The following TNFRSF8 variants were observed in gnomAD, a reference collection of about 807,000 sequenced individuals.
TNFRSF8 encodes the protein TNF receptor superfamily member 8, also known as tumor necrosis factor receptor superfamily member 8.
In TNFRSF8, 26 loss-of-function variants were observed where a neutral mutation model predicts 70.8. The observed-to-expected ratio is 0.37, with a 90% confidence interval of 0.27 to 0.51. The LOEUF (loss-of-function observed/expected upper bound fraction) is 0.51. TNFRSF8 is among the 20% of genes least tolerant of loss of function. The pLI is 0.94. For missense variants in TNFRSF8, 720 were observed against 807.9 expected (o/e 0.89, Z 1.32); for synonymous variants, 356 against 339.2 (o/e 1.05, Z -0.54).
chr1:12,102,301 G>A (rs9887929), intron 3 of TNFRSF8, among the ~76,000 whole-genome samples: 3,006 of 152,246 alleles, frequency 0.02, 98 homozygotes, highest in African/African-American at 0.068. Context: ...GTGGCCTCTG[G>A]CTCTGTGGCA....
At chr1:12,129,546 C>G (rs1306663676) in intron 12 of TNFRSF8, among the ~76,000 whole-genome samples, 1 of 152,208 alleles carries the variant, frequency 6.6e-6, no homozygotes, top group Non-Finnish European at 1.5e-5. Context: ...TCCTTCTGTC[C>G]GGATCCGTTC....
At chr1:12,082,640 C>T (rs1386978838) in intron 1 of TNFRSF8, among the ~76,000 whole-genome samples, 2 of 151,628 alleles carry the variant, frequency 1.3e-5, no homozygotes, top group African/African-American at 2.4e-5. Context: ...GTGAGCCTCT[C>T]CGACCCCTAC....
chr1:12,074,900 C>T (rs180982231), intron 1 of TNFRSF8, among the ~76,000 whole-genome samples: 1 of 152,152 alleles, frequency 6.6e-6, no homozygotes, highest in Non-Finnish European at 1.5e-5. Context: ...ACAATCCTCC[C>T]ACCTTAGTTC....
chr1:12,091,536 A>G (rs1641248205), intron 2 of TNFRSF8, among the ~76,000 whole-genome samples: 1 of 152,048 alleles, frequency 6.6e-6, no homozygotes, highest in African/African-American at 2.4e-5. Flanking sequence ...GGGTGATTTT[A>G]AAGGGACCCA....
At chr1:12,093,264 GAC>G (rs764062658) in intron 2 of TNFRSF8, among the ~76,000 whole-genome samples, 1 of 152,134 alleles carries the variant, frequency 6.6e-6, no homozygotes, top group Non-Finnish European at 1.5e-5. Context: ...TTTTTGGGGA[GAC>G]ACAATTTAAT....
chr1:12,073,821 C>T (rs1640891282), intron 1 of TNFRSF8, among the ~76,000 whole-genome samples: 1 of 151,998 alleles, frequency 6.6e-6, no homozygotes. Context: ...GTCTCAAACG[C>T]CTGACCTCAA....
chr1:12,105,939 CAAAA>C lies in TNFRSF8; in HGVS notation c.421+1424_421+1427del, dbSNP rs748432437. 1.1e-4 allele frequency among the ~76,000 whole-genome samples: 7 copies of C among 64,932 alleles called. No homozygotes were observed. In the South Asian group the frequency reaches 1.5e-3, roughly 14 times the overall value. The allele number at this position is 64,932 out of a possible 152,430, so 42.6% of individuals were successfully genotyped here. A position where few individuals can be genotyped will look rare whatever the true frequency, so the allele number is the denominator to read the frequency against. On this transcript the variant is annotated intron_variant, in intron 4 of 14. Coordinates refer to ENST00000263932, the MANE Select transcript of TNFRSF8 (RefSeq NM_001243.5). ...GGGTGACAAGAGCAAGACTCCGTCT[CAAAA>C]AAAAAAAAAAAAAAAGAAAACTCCA...
intron 2 of TNFRSF8, among the ~76,000 whole-genome samples, chr1:12,086,616 G>A (rs768436089): frequency 2.6e-5 from 4 of 151,028 alleles, no homozygotes; most frequent in African/African-American, 4.9e-5. Context: ...TGCTGGGGCT[G>A]CCATAACAAA....
chr1:12,065,938 C>T (rs746966774), intron 1 of TNFRSF8, among the ~76,000 whole-genome samples: 21 of 152,056 alleles, frequency 1.4e-4, no homozygotes, highest in Non-Finnish European at 2.8e-4. Flanking sequence ...GGTTGCAGGG[C>T]GAAAATGCAT....
At chr1:12,075,412 C>T (rs952412807) in intron 1 of TNFRSF8, among the ~76,000 whole-genome samples, 1 of 152,108 alleles carries the variant, frequency 6.6e-6, no homozygotes, top group Non-Finnish European at 1.5e-5. Flanking sequence ...CTGTTACCAT[C>T]CGGTAGCCCC....
At chr1:12,071,812 C>T (rs1213457312) in intron 1 of TNFRSF8, among the ~76,000 whole-genome samples, 9 of 152,076 alleles carry the variant, frequency 5.9e-5, no homozygotes, top group Admixed American at 5.9e-4. Context: ...ATCCACCTGC[C>T]TTGGCCTCCC....
intron 12 of TNFRSF8, among the ~76,000 whole-genome samples, chr1:12,134,300 C>A (rs142763566): frequency 7.6e-4 from 116 of 152,256 alleles, no homozygotes; most frequent in African/African-American, 2.6e-3. Flanking sequence ...ACAGCATATT[C>A]CAGATCTCCG....
chr1:12,084,315 C>T (rs940309321), intron 1 of TNFRSF8, 149 bp from the exon 2 acceptor site: 33 of 706,066 alleles, frequency 4.7e-5, no homozygotes, highest in Non-Finnish European at 6.8e-5. Flanking sequence ...AGCGTAAGGG[C>T]GGTGTGGGTT....
At position 12,109,653 on chromosome 1, in the gene TNFRSF8, C is replaced by T. The variant is rs776499261; in HGVS notation, c.509C>T (p.Ser170Phe). 1.2e-6 allele frequency: 2 copies of T among 1,613,250 alleles called. No homozygotes were observed. Among genetic ancestry groups the T allele is most frequent in the East Asian group, 4.5e-5 (2 of 44,884 alleles). ...CASPENCKEP[S>F]SGTIPQAKPT... Reference sequence around the variant, plus strand: ...AGCCCAGAGAACTGCAAGGAACCCTCCAGGTGACTCCCTGGCTTTGCCTCC... The same window carrying T: ...AGCCCAGAGAACTGCAAGGAACCCTTCAGGTGACTCCCTGGCTTTGCCTCC... Residue 170 changes from serine to phenylalanine, a missense_variant, in exon 5 of 15, where the codon TCC becomes TTC. Transcript: ENST00000263932. The surrounding 1 kb of genome is among the most constrained non-coding windows in gnomAD (Gnocchi z 4.4).
At chr1:12,068,055 C>T (rs890444290) in intron 1 of TNFRSF8, among the ~76,000 whole-genome samples, 7 of 152,008 alleles carry the variant, frequency 4.6e-5, no homozygotes, top group African/African-American at 1.2e-4. Context: ...GAAGGAGGGG[C>T]GTTTACTGTA....
In TNFRSF8 at chr1:12,112,865, C is replaced by T. The variant is rs574323317; in HGVS notation, c.793+851C>T. ...CAGGCTGCTGTGACTGTTAGAGGCC[C>T]TGGCTATTCACGGAGGCCACTGGGA... On this transcript the variant is annotated intron_variant, in intron 7 of 14. Coordinates refer to ENST00000263932, the MANE Select transcript of TNFRSF8 (RefSeq NM_001243.5). The surrounding 1 kb of genome is among the most constrained non-coding windows in gnomAD (Gnocchi z 5.3). Among the ~76,000 whole-genome samples, 1 of 152,298 alleles carries T rather than the reference C, an allele frequency of 6.6e-6. No homozygotes were observed. Among genetic ancestry groups the T allele is most frequent in the Non-Finnish European group, 1.5e-5 (1 of 68,026 alleles).
intron 1 of TNFRSF8, among the ~76,000 whole-genome samples, chr1:12,081,529 G>A (rs1359137718): frequency 1.3e-5 from 2 of 152,106 alleles, no homozygotes; most frequent in East Asian, 3.9e-4. Flanking sequence ...GGAGGGAGGA[G>A]GGTGTCCTCA....
rs199947044 is a variant in TNFRSF8, at chr1:12,138,377, C to G, written c.1484C>G (p.Ser495Trp). ...GATGCCAGCCCGGCCGGGGGCCCCT[C>G]GTCCCCCAGGGACCTTCCTGAGCCC... is the stretch of plus-strand genomic sequence containing the variant. ...LQDASPAGGPSSPRDLPEPRV... is the reference protein window; with the variant it reads ...LQDASPAGGPWSPRDLPEPRV... Residue 495 changes from serine to tryptophan, a missense_variant, in exon 14 of 15, where the codon TCG becomes TGG. Ser to Trp is a radical substitution (Grantham distance 177, BLOSUM62 -3). Coordinates refer to ENST00000263932, the MANE Select transcript of TNFRSF8 (RefSeq NM_001243.5). The surrounding 1 kb of genome is among the most constrained non-coding windows in gnomAD (Gnocchi z 5.7). 6.2e-7 allele frequency: 1 copy of G among 1,613,508 alleles called. No individual in the cohort carries two copies. Among genetic ancestry groups the G allele is most frequent in the Non-Finnish European group, 8.5e-7 (1 of 1,179,852 alleles).
chr1:12,076,908 G>A (rs1640976257), intron 1 of TNFRSF8, among the ~76,000 whole-genome samples: 1 of 152,116 alleles, frequency 6.6e-6, no homozygotes, highest in Admixed American at 6.6e-5. Context: ...CGAGGGTGTG[G>A]CGGTAGACGC....
Sources: allele counts gnomAD v4.1 joint callset (sites outside exome capture counted in the v4.1 genomes callset), GRCh38; gene constraint gnomAD v4.1.1; non-coding constraint Gnocchi (gnomAD v3.1); transcripts MANE v1.5; gene names NCBI Gene and HGNC (gene_info 2026-07-23, HGNC 2026-07-21).